The following BPNT1 variants were observed in gnomAD, a reference collection of about 807,000 sequenced individuals.
BPNT1 encodes 3'(2'), 5'-bisphosphate nucleotidase 1, also known as 3'(2'),5'-bisphosphate nucleotidase 1.
BPNT1 carries 28 observed loss-of-function variants against 36.9 expected under a neutral mutation model. The ratio of observed to expected loss-of-function variants is 0.76; its 90% confidence interval spans 0.56 to 1.04. BPNT1 has a LOEUF of 1.04. Among genes scored for constraint, BPNT1 ranks in the 50% least tolerant of loss-of-function variants. The pLI is 0.00. For synonymous variants in BPNT1, 119 were observed against 130.9 expected (o/e 0.91, Z 0.62); for missense variants, 313 against 372.9 (o/e 0.84, Z 1.32).
intron 2 of BPNT1, among the ~76,000 whole-genome samples, chr1:220,079,169 G>A (rs1217907064): frequency 6.6e-6 from 1 of 152,084 alleles, no homozygotes; most frequent in African/African-American, 2.4e-5. Flanking sequence ...TTTGAAGCTC[G>A]GTTACAATGC....
chr1:220,059,075 T>C (rs1662771770), intron 8 of BPNT1, 83 bp from the exon 9 acceptor site: 2 of 1,421,158 alleles, frequency 1.4e-6, no homozygotes, highest in African/African-American at 1.4e-5. Context: ...TGCCTTTTGC[T>C]TCCTTATCCA....
At position 220,072,889 on chromosome 1, in the gene BPNT1, T is replaced by C. The variant is rs1349415069; in HGVS notation, c.294A>G (p.Gln98=). The part of the protein sequence containing the change: ...EDSQWEEILK[Q]PCPSQYSAIK... ...TAGCACTGTACTGCGATGGGCATGG[T>C]TGCTTCAGTATTTCTTCCCACTGAC... Residue 98 remains glutamine (Q), a synonymous_variant, in exon 4 of 9, where the codon CAA becomes CAG. Coordinates refer to ENST00000322067, the MANE Select transcript of BPNT1 (RefSeq NM_006085.6). 1 of 1,614,184 alleles carries C rather than the reference T, an allele frequency of 6.2e-7. No individual in the cohort carries two copies. Among genetic ancestry groups the C allele is most frequent in the South Asian group, 1.1e-5 (1 of 91,090 alleles).
intron 1 of BPNT1, among the ~76,000 whole-genome samples, chr1:220,081,570 A>C (rs1453063000): frequency 6.6e-6 from 1 of 152,046 alleles, no homozygotes; most frequent in Non-Finnish European, 1.5e-5. Flanking sequence ...TATGAATTCA[A>C]ATCCCGAAAT....
At chr1:220,080,119 G>A (rs554765555) in intron 1 of BPNT1, among the ~76,000 whole-genome samples, 202 of 152,302 alleles carry the variant, frequency 1.3e-3, no homozygotes, top group African/African-American at 4.5e-3. Flanking sequence ...CCAGGATGCT[G>A]AGCATGTGAA....
chr1:220,086,408 A>C (rs996908070), intron 1 of BPNT1, among the ~76,000 whole-genome samples: 1 of 151,944 alleles, frequency 6.6e-6, no homozygotes, highest in African/African-American at 2.4e-5. Flanking sequence ...AGTAGCTGGA[A>C]CTACAGGCAC....
intron 6 of BPNT1, among the ~76,000 whole-genome samples, chr1:220,064,649 CA>C (rs1163197937): frequency 6.6e-6 from 1 of 152,030 alleles, no homozygotes; most frequent in Admixed American, 6.6e-5. Flanking sequence ...GACAGCTCTC[CA>C]TTGGTAGGGC....
chr1:220,069,537 T>C, intron 4 of BPNT1, 105 bp from the exon 5 acceptor site: 1 of 774,242 alleles, frequency 1.3e-6, no homozygotes, highest in Non-Finnish European at 2.0e-6. Flanking sequence ...TTTGAAATTG[T>C]ATTATGGATG....
chr1:220,072,217 G>C (rs1316464441), intron 4 of BPNT1, among the ~76,000 whole-genome samples: 2 of 151,636 alleles, frequency 1.3e-5, no homozygotes, highest in South Asian at 2.1e-4. Flanking sequence ...AAAAAAATTA[G>C]CTGGGCATGG....
chr1:220,083,335 T>A (rs1157394375), intron 1 of BPNT1, among the ~76,000 whole-genome samples: 1 of 151,872 alleles, frequency 6.6e-6, no homozygotes, highest in Non-Finnish European at 1.5e-5. Context: ...TTTCTCTTTT[T>A]TTTTTTTGAG....
intron 3 of BPNT1, among the ~76,000 whole-genome samples, chr1:220,073,283 T>A (rs1191959027): frequency 2.0e-5 from 3 of 152,044 alleles, no homozygotes; most frequent in Non-Finnish European, 2.9e-5. Context: ...GTTCCCTCAC[T>A]TTCTTTTTTT....
chr1:220,061,477 T>C (rs907399901), intron 7 of BPNT1, among the ~76,000 whole-genome samples: 2 of 147,298 alleles, frequency 1.4e-5, no homozygotes, highest in Non-Finnish European at 1.5e-5. Context: ...GAGGTTGCAG[T>C]GAGCCGAGAT....
chr1:220,073,003 T>C (rs761818543), intron 3 of BPNT1, 46 bp from the exon 4 acceptor site: 1 of 1,431,774 alleles, frequency 7.0e-7, no homozygotes. Context: ...GTTTAGTGTT[T>C]ACAGAGTATG....
In BPNT1 at chr1:220,058,623, C is replaced by A; in HGVS notation, c.*221G>T. On this transcript the variant is annotated 3_prime_UTR_variant, in exon 9 of 9. Transcript: ENST00000322067. ...CTCAGCTCACTGCAACCTCTGCCTT[C>A]CGGGCTCAAGAGATTCTTCTGCTTC... 1 of 789,850 alleles carries A rather than the reference C, an allele frequency of 1.3e-6. No homozygotes were observed. The highest frequency in any genetic ancestry group is 1.7e-6 in the Non-Finnish European group (1 of 577,676). 48.9% of individuals were successfully genotyped at this position (789,850 alleles called of 1,614,324 possible). A position where few individuals can be genotyped will look rare whatever the true frequency, so the allele number is the denominator to read the frequency against.
intron 4 of BPNT1, 133 bp from the exon 5 acceptor site, chr1:220,069,565 C>G: frequency 1.6e-6 from 1 of 606,520 alleles, no homozygotes; most frequent in Non-Finnish European, 2.8e-6. Context: ...TTAATGTCAT[C>G]TGTTTTGAGA....
intron 1 of BPNT1, among the ~76,000 whole-genome samples, chr1:220,082,174 TA>T (rs1168002533): frequency 3.6e-5 from 5 of 139,260 alleles, no homozygotes; most frequent in African/African-American, 1.3e-4. Flanking sequence ...ATATATTTTA[TA>T]TTTTTTATAT....
intron 6 of BPNT1, chr1:220,066,190 A>AT (rs1229458332): frequency 3.5e-6 from 4 of 1,141,212 alleles, no homozygotes; most frequent in Non-Finnish European, 4.8e-6. Context: ...AAGCACTTAG[A>AT]TTTTTTCTTG....
rs1662678943 is a variant in BPNT1 at position 220,057,991 on chromosome 1, C to T, written c.*853G>A. 3.3e-6 allele frequency: 2 copies of T among 602,646 alleles called. No individual in the cohort carries two copies. Among genetic ancestry groups the T allele is most frequent in the African/African-American group, 2.0e-5 (1 of 50,748 alleles). The allele number at this position is 602,646 out of a possible 1,614,324, so 37.3% of individuals were successfully genotyped here. On this transcript the variant is annotated 3_prime_UTR_variant, in exon 9 of 9. Transcript: ENST00000322067. ...AGGAGATCAAGACCATCCTGGCTAA[C>T]ACGGTGAAACACCTTCTCTACTAAA...
Position 220,069,407 on chromosome 1 carries a change from T to C in BPNT1, c.359A>G (p.Asp120Gly). 1 of 1,606,978 alleles carries C rather than the reference T, an allele frequency of 6.2e-7. No individual in the cohort carries two copies. The change falls in exon 5 of 9, where the codon GAT (aspartate) becomes GGT (glycine). Residue 120 changes from aspartate to glycine, a missense_variant. Physicochemically the swap from Asp to Gly is moderately conservative, Grantham distance 94. Transcript: ENST00000322067. ...ACCTTCGGTATATTCCTTGGTTCCA[T>C]CCAGAGGATCAACCCAGACCACGAG... ...EDLVVWVDPL[D>G]GTKEYTEGLL...
At chr1:220,083,186 G>A (rs975786424) in intron 1 of BPNT1, among the ~76,000 whole-genome samples, 1 of 145,826 alleles carries the variant, frequency 6.9e-6, no homozygotes, top group African/African-American at 2.5e-5. Context: ...GCAGTGGGCC[G>A]AGATCGTGCC....
Sources: allele counts gnomAD v4.1 joint callset (sites outside exome capture counted in the v4.1 genomes callset), GRCh38; gene constraint gnomAD v4.1.1; transcripts MANE v1.5; gene names NCBI Gene and HGNC (gene_info 2026-07-23, HGNC 2026-07-21).